The following MCU variants were observed in gnomAD, a reference collection of about 807,000 sequenced individuals.
MCU encodes the protein calcium uniporter protein, mitochondrial.
Under a neutral mutation model 45.2 loss-of-function variants are expected in MCU, and 12 were observed. The observed-to-expected ratio is 0.27, with a 90% CI of 0.17 to 0.43. The LOEUF is 0.43. Among genes scored for constraint, MCU ranks in the 20% least tolerant of loss-of-function variants. The pLI, the probability that MCU is intolerant of heterozygous loss-of-function variation, is 1.00. For synonymous variants in MCU, 160 were observed against 165.1 expected (o/e 0.97, Z 0.24); for missense variants, 324 against 436.7 (o/e 0.74, Z 2.30).
chr10:72,714,540 A>G (rs1027238833), intron 1 of MCU, among the ~76,000 whole-genome samples: 1 of 151,452 alleles, frequency 6.6e-6, no homozygotes, highest in Non-Finnish European at 1.5e-5. Context: ...ATTGTCAAAT[A>G]TCTATTATTA....
intron 1 of MCU, among the ~76,000 whole-genome samples, chr10:72,752,255 AT>A (rs35514755): frequency 0.014 from 1,938 of 139,270 alleles, 12 homozygotes; most frequent in African/African-American, 0.025. Context: ...ACAGGTCCAG[AT>A]TTTTTTTTTT....
At chr10:72,848,212 C>A (rs1199856415) in intron 2 of MCU, among the ~76,000 whole-genome samples, 1 of 152,136 alleles carries the variant, frequency 6.6e-6, no homozygotes, top group African/African-American at 2.4e-5. Flanking sequence ...CAGAGGTAAT[C>A]TCATCATAAG....
At chr10:72,725,474 A>C (rs561813536) in intron 1 of MCU, among the ~76,000 whole-genome samples, 1 of 151,344 alleles carries the variant, frequency 6.6e-6, no homozygotes, top group South Asian at 2.1e-4. Flanking sequence ...GAGTCCCACT[A>C]TGTTGCCTAA....
At chr10:72,741,368 TG>T (rs1423347742) in intron 1 of MCU, among the ~76,000 whole-genome samples, 1 of 152,214 alleles carries the variant, frequency 6.6e-6, no homozygotes, top group African/African-American at 2.4e-5. Context: ...TCCAAAGTGC[TG>T]GGATTAAAGG....
chr10:72,885,254 C>T (rs930674277), intron 7 of MCU, among the ~76,000 whole-genome samples: 9 of 152,174 alleles, frequency 5.9e-5, no homozygotes, highest in Non-Finnish European at 4.4e-5. Flanking sequence ...TCCAGCTCCT[C>T]CCGGGTGAAG....
chr10:72,753,526 G>A (rs1472346048), intron 1 of MCU, among the ~76,000 whole-genome samples: 1 of 152,110 alleles, frequency 6.6e-6, no homozygotes, highest in Admixed American at 6.6e-5. Flanking sequence ...ACAGTTTATT[G>A]AGAACCTATT....
chr10:72,752,683 C>T (rs1296010407), intron 1 of MCU, among the ~76,000 whole-genome samples: 1 of 152,102 alleles, frequency 6.6e-6, no homozygotes, highest in Admixed American at 6.6e-5. Context: ...TCACAGGAAA[C>T]ATTTAGTTAC....
intron 1 of MCU, among the ~76,000 whole-genome samples, chr10:72,763,256 A>AGGGCATGGACACATTTTG: frequency 6.6e-6 from 1 of 152,312 alleles, no homozygotes; most frequent in East Asian, 1.9e-4. Context: ...TTTGAGGATT[A>AGGGCATGGACACATTTTG]GGGCATGGAC....
intron 2 of MCU, among the ~76,000 whole-genome samples, chr10:72,847,925 G>T (rs1845146266): frequency 6.6e-6 from 1 of 152,188 alleles, no homozygotes; most frequent in African/African-American, 2.4e-5. Flanking sequence ...CTGCAGGATT[G>T]TCCTCATGAT....
In MCU at chr10:72,879,768, G is replaced by A. The variant is rs148570979; in HGVS notation, c.862-4498G>A. ...GAGAATTAAAATGCAACAACAGGCC[G>A]GGCTAAGTAGCTCATGCCTGTAATC... On this transcript the variant is annotated intron_variant, in intron 6 of 7. Transcript: ENST00000373053. Among the ~76,000 whole-genome samples the A allele has an allele frequency of 3.1e-3, 478 of 152,262 alleles. 4 individuals are homozygous for A. Among genetic ancestry groups the A allele is most frequent in the African/African-American group, 0.01 (432 of 41,554 alleles).
At chr10:72,712,279 G>T (rs1241601569) in intron 1 of MCU, 2 of 152,086 alleles carry the variant, frequency 1.3e-5, no homozygotes, top group African/African-American at 2.4e-5. Flanking sequence ...GAATGTCCTC[G>T]TTTATCATAT....
intron 6 of MCU, among the ~76,000 whole-genome samples, chr10:72,882,796 C>G (rs1457843069): frequency 6.6e-6 from 1 of 152,182 alleles, no homozygotes; most frequent in African/African-American, 2.4e-5. Context: ...GACCCACACC[C>G]TATTCGTACA....
At chr10:72,870,054 T>C (rs761365783) in intron 5 of MCU, among the ~76,000 whole-genome samples, 13 of 152,216 alleles carry the variant, frequency 8.5e-5, no homozygotes, top group Non-Finnish European at 1.6e-4. Flanking sequence ...GTAGTCGGGT[T>C]ATGACTGATT....
intron 1 of MCU, among the ~76,000 whole-genome samples, chr10:72,748,632 C>T (rs1002164928): frequency 4.0e-5 from 6 of 151,842 alleles, no homozygotes; most frequent in African/African-American, 1.2e-4. Flanking sequence ...GCCTAGGCAA[C>T]ATAGCAAGAC....
intron 1 of MCU, among the ~76,000 whole-genome samples, chr10:72,731,813 A>C (rs1226892055): frequency 6.6e-6 from 1 of 152,248 alleles, no homozygotes; most frequent in African/African-American, 2.4e-5. Context: ...ATTGCTAAAC[A>C]ATAATGATGG....
At chr10:72,815,539 C>T (rs529403008) in intron 1 of MCU, among the ~76,000 whole-genome samples, 114 of 152,262 alleles carry the variant, frequency 7.5e-4, no homozygotes, top group Non-Finnish European at 1.3e-3. Context: ...TTGGGTTTAC[C>T]TTAGCTTTCT....
In MCU at chr10:72,701,158, C is replaced by G. The variant is rs543712535; in HGVS notation, c.150+8857C>G. On this transcript the variant is annotated intron_variant, in intron 1 of 7. Coordinates refer to ENST00000373053, the MANE Select transcript of MCU (RefSeq NM_138357.3). ...AAAGTTAGTATGACTGATAAATTGT[C>G]AGATAATAAGAGAGCATATAGGTTA... Among the ~76,000 whole-genome samples, 22 of 152,278 alleles carry G rather than the reference C, an allele frequency of 1.4e-4. No individual in the cohort carries two copies. In the East Asian group the frequency reaches 4.2e-3, roughly 29 times the overall value.
chr10:72,716,582 G>T (rs1017230015), intron 1 of MCU, among the ~76,000 whole-genome samples: 1 of 151,906 alleles, frequency 6.6e-6, no homozygotes, highest in Non-Finnish European at 1.5e-5. Context: ...ACTATTATTG[G>T]ATTCTCTAAA....
intron 1 of MCU, among the ~76,000 whole-genome samples, chr10:72,748,553 A>G (rs1843447727): frequency 6.6e-6 from 1 of 152,176 alleles, no homozygotes; most frequent in African/African-American, 2.4e-5. Flanking sequence ...GAGGTGGCTC[A>G]TGCCTGTAAT....
Sources: gnomAD v4.1 joint callset for allele counts (sites outside exome capture counted in the v4.1 genomes callset) on GRCh38, gnomAD v4.1.1 for gene constraint, MANE v1.5 for transcripts, NCBI Gene and HGNC (gene_info 2026-07-23, HGNC 2026-07-21) for gene names.